Variants in HDAC4 observed in about 807,000 individuals in gnomAD.
The protein encoded by HDAC4 is histone deacetylase 4.
In HDAC4, 16 loss-of-function variants were observed where a neutral mutation model predicts 135.1. The observed-to-expected ratio is 0.12, with a 90% CI of 0.08 to 0.18. The LOEUF (loss-of-function observed/expected upper bound fraction) is 0.18, where lower values mean the gene tolerates loss of function less well. Ranked by LOEUF, HDAC4 falls within the 10% of genes least tolerant of loss-of-function variation. The probability of loss-of-function intolerance (pLI) is 1.00; values close to 1 mark genes in which losing one functional copy is unlikely to be tolerated. For synonymous variants in HDAC4, 685 were observed against 653.4 expected (o/e 1.05, Z -0.74); for missense variants, 1,143 against 1,511.8 (o/e 0.76, Z 4.05).
chr2:239,340,667 T>C (rs543237219), intron 2 of HDAC4, among the ~76,000 whole-genome samples: 8 of 152,320 alleles, frequency 5.3e-5, no homozygotes, highest in Non-Finnish European at 7.3e-5. Context: ...ACGTGTATGT[T>C]TGTGTTCAGA....
At chr2:239,222,333 G>A (rs547143755) in intron 3 of HDAC4, among the ~76,000 whole-genome samples, 2 of 152,220 alleles carry the variant, frequency 1.3e-5, no homozygotes, top group South Asian at 2.1e-4. Flanking sequence ...TATCCTTAAA[G>A]CTCTTTAGAA....
At chr2:239,385,358 G>A (rs565545726) in intron 1 of HDAC4, among the ~76,000 whole-genome samples, 5 of 152,342 alleles carry the variant, frequency 3.3e-5, no homozygotes, top group South Asian at 2.1e-4. Context: ...AGGAGGTTCC[G>A]GGGGCCTCCG....
rs1410095680 is a variant in HDAC4, at chr2:239,104,029, CTT to C, written c.2113-1135_2113-1134del. 2.0e-5 allele frequency among the ~76,000 whole-genome samples: 3 copies of C among 148,874 alleles called. 1 individual carries two copies. In the East Asian group the frequency reaches 6.5e-4, roughly 32 times the overall value. Reference sequence around the variant, plus strand: ...AACCGGGCTTCCTCTATGAAGGTCTCTTGTTTAACAAAGAAAAGATGTGACAC... The same window carrying C: ...AACCGGGCTTCCTCTATGAAGGTCTCGTTTAACAAAGAAAAGATGTGACAC... On this transcript the variant is annotated intron_variant, in intron 15 of 26. Transcript: ENST00000543185.
chr2:239,278,391 T>G (rs1337577205), intron 2 of HDAC4, among the ~76,000 whole-genome samples: 1 of 152,206 alleles, frequency 6.6e-6, no homozygotes, highest in Admixed American at 6.5e-5. Context: ...AAAAACATAT[T>G]TTGGGCCAGG....
At chr2:239,216,409 A>C (rs913825365) in intron 3 of HDAC4, among the ~76,000 whole-genome samples, 2 of 152,110 alleles carry the variant, frequency 1.3e-5, no homozygotes, top group East Asian at 3.9e-4. Context: ...GGCGATGAGG[A>C]GGAAGACGAT....
At position 239,049,747 on chromosome 2, in the gene HDAC4, AGC is replaced by A. The variant is rs2030537790; in HGVS notation, c.*3348_*3349del. The A allele has an allele frequency of 6.6e-6, 1 of 152,272 alleles. No individual in the cohort carries two copies. The highest frequency in any genetic ancestry group is 1.5e-5 in the Non-Finnish European group (1 of 68,038). The allele number at this position is 152,272 out of a possible 1,614,324, so 9.4% of individuals were successfully genotyped here. The stretch of plus-strand genomic sequence containing the variant: ...TGACAAAGTGGCCCTCCAGAACCAG[AGC>A]CCTGGGACGCTGGGGAGGGGCGGCC... On this transcript the variant is annotated 3_prime_UTR_variant, in exon 27 of 27. Transcript: ENST00000543185.
At chr2:239,234,977 C>G (rs532864024) in intron 3 of HDAC4, among the ~76,000 whole-genome samples, 3 of 152,290 alleles carry the variant, frequency 2.0e-5, no homozygotes, top group African/African-American at 7.2e-5. Context: ...TCAGTGTTTA[C>G]ACGAAAACAA....
intron 5 of HDAC4, among the ~76,000 whole-genome samples, chr2:239,171,966 C>T (rs1289573940): frequency 2.6e-5 from 4 of 151,818 alleles, no homozygotes; most frequent in Admixed American, 2.6e-4. Flanking sequence ...ACCATTAGAC[C>T]CACATTAAGG....
intron 18 of HDAC4, among the ~76,000 whole-genome samples, chr2:239,088,214 C>T (rs1253315400): frequency 6.6e-6 from 1 of 152,228 alleles, no homozygotes; most frequent in Non-Finnish European, 1.5e-5. Flanking sequence ...ATCTGCAAAC[C>T]ACTCTGTAGT....
At position 239,280,011 on chromosome 2, in the gene HDAC4, G is replaced by A. The variant is rs551563472; in HGVS notation, c.23-43347C>T. Among the ~76,000 whole-genome samples the A allele has an allele frequency of 1.3e-4, 20 of 152,216 alleles. 1 individual carries two copies. Among genetic ancestry groups the A allele is most frequent in the Admixed American group, 7.9e-4 (12 of 15,286 alleles). ...AGCATCTCATCCCTTCCACTCCTGC[G>A]GAAGAGGACAGCACCCCCCAACCCC... On this transcript the variant is annotated intron_variant, in intron 2 of 26. Transcript: ENST00000543185.
chr2:239,330,868 C>T (rs1691523929), intron 2 of HDAC4, among the ~76,000 whole-genome samples: 1 of 152,168 alleles, frequency 6.6e-6, no homozygotes, highest in Admixed American at 6.5e-5. Context: ...GTAACCCAAC[C>T]ACTTTGGTTT....
chr2:239,089,823 T>A, intron 18 of HDAC4, 186 bp downstream of exon 18: 2 of 622,748 alleles, frequency 3.2e-6, no homozygotes, highest in Non-Finnish European at 5.9e-6. Flanking sequence ...ACATACCCTA[T>A]CACAAATGTG....
At chr2:239,280,688 T>A (rs2050655480) in intron 2 of HDAC4, among the ~76,000 whole-genome samples, 1 of 152,088 alleles carries the variant, frequency 6.6e-6, no homozygotes, top group Admixed American at 6.5e-5. Flanking sequence ...AACTGTCTGC[T>A]GTTAACAGGG....
At chr2:239,394,431 T>G (rs1696432365) in intron 1 of HDAC4, among the ~76,000 whole-genome samples, 1 of 152,198 alleles carries the variant, frequency 6.6e-6, no homozygotes, top group South Asian at 2.1e-4. Context: ...AAAGCACCAC[T>G]CGCCTCCTCA....
At chr2:239,098,845 G>C (rs1204269779) in intron 16 of HDAC4, among the ~76,000 whole-genome samples, 1 of 152,216 alleles carries the variant, frequency 6.6e-6, no homozygotes, top group Non-Finnish European at 1.5e-5. Flanking sequence ...ACAATTGTCG[G>C]AAATTCAAAA....
chr2:239,264,111 C>G (rs1027217881), intron 2 of HDAC4, among the ~76,000 whole-genome samples: 1 of 152,170 alleles, frequency 6.6e-6, no homozygotes, highest in Non-Finnish European at 1.5e-5. Context: ...CCAGGCCAGG[C>G]GGGGAGCTCG....
rs976968861 is a variant in HDAC4 at position 239,306,709 on chromosome 2, C to G, written c.22+45969G>C. 6.6e-6 allele frequency among the ~76,000 whole-genome samples: 1 copy of G among 152,110 alleles called. No homozygotes were observed. Among genetic ancestry groups the G allele is most frequent in the African/African-American group, 2.4e-5 (1 of 41,414 alleles). On this transcript the variant is annotated intron_variant, in intron 2 of 26. Coordinates refer to ENST00000543185, the MANE Select transcript of HDAC4 (RefSeq NM_001378414.1). The surrounding 1 kb of genome is among the most constrained non-coding windows in gnomAD (Gnocchi z 4.5). ...CCTCGGGCGCAGAGCATCCAGGGCC[C>G]AGGGCCCACAGGGTTTTACATGGTG...
chr2:239,209,507 C>G (rs2046247999), intron 3 of HDAC4, among the ~76,000 whole-genome samples: 1 of 152,182 alleles, frequency 6.6e-6, no homozygotes, highest in Admixed American at 6.5e-5. Flanking sequence ...CCTATTCACA[C>G]CACAGGCCAA....
At chr2:239,287,641 A>G (rs2051212492) in intron 2 of HDAC4, among the ~76,000 whole-genome samples, 1 of 152,230 alleles carries the variant, frequency 6.6e-6, no homozygotes, top group Admixed American at 6.5e-5. Flanking sequence ...GCAGCCAGCC[A>G]CAGAAAGTAC....
Sources: gnomAD v4.1 joint callset for allele counts (sites outside exome capture counted in the v4.1 genomes callset) on GRCh38, gnomAD v4.1.1 for gene constraint, Gnocchi (gnomAD v3.1) non-coding constraint, MANE v1.5 for transcripts, NCBI Gene and HGNC (gene_info 2026-07-23, HGNC 2026-07-21) for gene names.